Variants in NUDT21 observed in about 807,000 individuals in gnomAD.
NUDT21 encodes nudix hydrolase 21.
In NUDT21, 5 loss-of-function variants were observed where a neutral mutation model predicts 29.8. That is an observed-to-expected ratio of 0.17 (90% confidence interval 0.09 to 0.35). NUDT21 has a LOEUF of 0.35. NUDT21 is among the 10% of genes least tolerant of loss of function. The pLI is 1.00. For missense variants in NUDT21, 76 were observed against 276.0 expected, an observed-to-expected ratio of 0.28 and a Z score of 5.13; for synonymous variants, 113 against 98.5, an observed-to-expected ratio of 1.15 and a Z score of -0.87.
chr16:56,443,836 G>A (rs1343791310), intron 3 of NUDT21, among the ~76,000 whole-genome samples: 16 of 152,194 alleles, frequency 1.1e-4, no homozygotes, highest in Admixed American at 1.0e-3. Flanking sequence ...GAACTGGTGA[G>A]CCAAATAAAT....
chr16:56,447,651 G>T, intron 2 of NUDT21, 138 bp downstream of exon 2: 3 of 707,290 alleles, frequency 4.2e-6, no homozygotes, highest in African/African-American at 1.8e-5. Flanking sequence ...AATTACTCAT[G>T]ATTTTCTCTT....
intron 2 of NUDT21, 110 bp downstream of exon 2, chr16:56,447,679 C>T (rs1962234478): frequency 1.3e-5 from 11 of 875,978 alleles, no homozygotes; most frequent in Non-Finnish European, 2.0e-5. Context: ...ACATCATTAA[C>T]AGCAGTGTTT....
At chr16:56,435,579 A>G (rs1233844384) in intron 4 of NUDT21, among the ~76,000 whole-genome samples, 1 of 148,496 alleles carries the variant, frequency 6.7e-6, no homozygotes, top group Non-Finnish European at 1.5e-5. Flanking sequence ...ACAAAAAATT[A>G]GCCAGGCGTG....
intron 3 of NUDT21, among the ~76,000 whole-genome samples, chr16:56,444,293 T>C (rs910705067): frequency 6.6e-6 from 1 of 151,540 alleles, no homozygotes; most frequent in East Asian, 1.9e-4. Flanking sequence ...CTAAAAAAAA[T>C]AAGTAAGCCT....
intron 1 of NUDT21, chr16:56,449,333 A>T (rs547388086): frequency 6.6e-6 from 1 of 152,336 alleles, no homozygotes; most frequent in East Asian, 1.9e-4. Context: ...TGTGAGCTTC[A>T]TAAAGCAGGG....
At position 56,447,610 on chromosome 16, in the gene NUDT21, A is replaced by G. The variant is rs560054521; in HGVS notation, c.317+179T>C. 4 of 595,452 alleles carry G rather than the reference A, an allele frequency of 6.7e-6. No homozygotes were observed. In the East Asian group the frequency reaches 1.1e-4, roughly 17 times the overall value. The allele number at this position is 595,452 out of a possible 1,614,324, so 36.9% of individuals were successfully genotyped here. A position where few individuals can be genotyped will look rare whatever the true frequency, so the allele number is the denominator to read the frequency against. ...TACAGAAACATACAGATTACTAGTT[A>G]GGAAAATAAATGAGCACTGCAATGG... On this transcript the variant is annotated intron_variant, in intron 2 of 6. Transcript: ENST00000300291.
chr16:56,435,600 C>T (rs1416843124), intron 4 of NUDT21, among the ~76,000 whole-genome samples: 1 of 147,402 alleles, frequency 6.8e-6, no homozygotes, highest in African/African-American at 2.5e-5. Context: ...GTGGCGGGCG[C>T]CTGTAGTCCC....
rs1203222150 is a variant in NUDT21 at position 56,447,965 on chromosome 16, A to G, written c.141T>C (p.Phe47=). 6.2e-7 allele frequency: 1 copy of G among 1,613,864 alleles called. No individual in the cohort carries two copies. The highest frequency in any genetic ancestry group is 8.5e-7 in the Non-Finnish European group (1 of 1,179,870). Residue 47 remains phenylalanine (F), a synonymous_variant, in exon 2 of 7, where the codon TTT becomes TTC. Transcript: ENST00000300291. ...TCTCGTAGAGGGGCTCTTTTGTACC[A>G]AAAGTATAATTGGTAAGAGGGTACC... ...INLYPLTNYT[F]GTKEPLYEKD... is the part of the protein sequence containing the mutation.
At chr16:56,448,066 C>A (rs1947991954) in intron 1 of NUDT21, 77 bp from the exon 2 acceptor site, 10 of 1,302,066 alleles carry the variant, frequency 7.7e-6, no homozygotes, top group Non-Finnish European at 9.7e-6. Context: ...CATAAAGAAA[C>A]CATGGTACAA....
At chr16:56,450,988 G>A in intron 1 of NUDT21, 99 bp downstream of exon 1, 7 of 953,886 alleles carry the variant, frequency 7.3e-6, no homozygotes, top group Non-Finnish European at 1.1e-5. Context: ...AGGCGGGGAG[G>A]TGCAGAGGCG....
chr16:56,439,811 G>T, intron 3 of NUDT21, 65 bp from the exon 4 acceptor site: 3 of 1,292,310 alleles, frequency 2.3e-6, no homozygotes, highest in East Asian at 2.3e-5. Context: ...CTTCTTCAGT[G>T]AACAGAAAAT....
chr16:56,443,142 C>A (rs1962178465), intron 3 of NUDT21, among the ~76,000 whole-genome samples: 1 of 151,834 alleles, frequency 6.6e-6, no homozygotes, highest in Non-Finnish European at 1.5e-5. Flanking sequence ...TAATTGTCAC[C>A]TCTGTGTGCA....
chr16:56,434,464 C>A lies in NUDT21; in HGVS notation c.548-19G>T. On this transcript the variant is annotated intron_variant, in intron 5 of 6. Transcript: ENST00000300291. ...AACAAGGCTAAAATAAAACAGAATT[C>A]ATTATTATAAGTTATTATATAATCA... 7.2e-7 allele frequency: 1 copy of A among 1,385,242 alleles called. No individual in the cohort carries two copies. Among genetic ancestry groups the A allele is most frequent in the South Asian group, 1.2e-5 (1 of 85,026 alleles). 85.8% of individuals were successfully genotyped at this position (1,385,242 alleles called of 1,614,324 possible). A position where few individuals can be genotyped will look rare whatever the true frequency, so the allele number is the denominator to read the frequency against.
intron 1 of NUDT21, among the ~76,000 whole-genome samples, chr16:56,449,745 A>G (rs1449326205): frequency 6.6e-6 from 1 of 152,190 alleles, no homozygotes; most frequent in African/African-American, 2.4e-5. Context: ...TTTAAAAAGG[A>G]TAACATTTGC....
Position 56,448,681 on chromosome 16 carries a change from T to C in NUDT21, c.117-692A>G, listed in dbSNP as rs566342114. Among the ~76,000 whole-genome samples the C allele has an allele frequency of 2.0e-5, 3 of 152,338 alleles. No individual in the cohort carries two copies. In the South Asian group the frequency reaches 6.2e-4, roughly 32 times the overall value. Reference sequence around the variant, plus strand: ...CTTTACCAATAATTTAAAATATGGCTCAAACTGTTAAAGACAGTTTTCATC... The same window carrying C: ...CTTTACCAATAATTTAAAATATGGCCCAAACTGTTAAAGACAGTTTTCATC... On this transcript the variant is annotated intron_variant, in intron 1 of 6. Transcript: ENST00000300291.
At chr16:56,448,421 T>G (rs1962243197) in intron 1 of NUDT21, among the ~76,000 whole-genome samples, 1 of 152,230 alleles carries the variant, frequency 6.6e-6, no homozygotes, top group Non-Finnish European at 1.5e-5. Context: ...TTCCTAAAAC[T>G]AAGCCACCGT....
In NUDT21 at chr16:56,450,137, C is replaced by T. The variant is rs1962269948; in HGVS notation, c.116+950G>A. Among the ~76,000 whole-genome samples the T allele has an allele frequency of 2.0e-5, 3 of 152,264 alleles. No homozygotes were observed. The South Asian group carries it at 6.2e-4, about 32-fold the overall frequency. On this transcript the variant is annotated intron_variant, in intron 1 of 6. Transcript: ENST00000300291. ...TACGAAAACATCAATACCACCAAATCCTTGCACTTGTACCCTGACTGGCAT... is the reference window on the plus strand; with the variant it reads ...TACGAAAACATCAATACCACCAAATTCTTGCACTTGTACCCTGACTGGCAT...
In NUDT21 at chr16:56,431,857, A is replaced by C. The variant is rs1448403767; in HGVS notation, c.*855T>G. 2.0e-5 allele frequency: 3 copies of C among 152,124 alleles called. No individual in the cohort carries two copies. The highest frequency in any genetic ancestry group is 7.2e-5 in the African/African-American group (3 of 41,430). 9.4% of individuals were successfully genotyped at this position (152,124 alleles called of 1,614,324 possible). ...AAGGCTCTGTCATTTGCTAAAACCA[A>C]ATTTTCTTCTCTATGTACACAACTT... is the stretch of plus-strand genomic sequence containing the variant. On this transcript the variant is annotated 3_prime_UTR_variant, in exon 7 of 7. Coordinates refer to ENST00000300291, the MANE Select transcript of NUDT21 (RefSeq NM_007006.3).
rs1567536889 is a variant in NUDT21, at chr16:56,431,561, A to C, written c.*1151T>G. On this transcript the variant is annotated 3_prime_UTR_variant, in exon 7 of 7. Transcript: ENST00000300291. ...TTCTATTAAAAACCCTTTTTTCCTT[A>C]AGTAGCTACATCTGGCAAGATTCCT... 6.6e-6 allele frequency: 1 copy of C among 151,984 alleles called. No homozygotes were observed. The highest frequency in any genetic ancestry group is 1.5e-5 in the Non-Finnish European group (1 of 67,978). 9.4% of individuals were successfully genotyped at this position (151,984 alleles called of 1,614,324 possible). A position where few individuals can be genotyped will look rare whatever the true frequency, so the allele number is the denominator to read the frequency against.
Sources: gnomAD v4.1 joint callset for allele counts (sites outside exome capture counted in the v4.1 genomes callset) on GRCh38, gnomAD v4.1.1 for gene constraint, MANE v1.5 for transcripts, NCBI Gene and HGNC (gene_info 2026-07-23, HGNC 2026-07-21) for gene names.